The following GAS2 variants were observed in gnomAD, a reference collection of about 807,000 sequenced individuals.
GAS2 encodes growth arrest specific 2.
In GAS2, 20 loss-of-function variants were observed where a neutral mutation model predicts 37.5. The observed-to-expected ratio is 0.53, with a 90% CI of 0.37 to 0.77. The LOEUF is 0.77. Ranked by LOEUF, GAS2 falls within the 30% of genes least tolerant of loss-of-function variation. GAS2 has a pLI of 0.00. For missense variants in GAS2, 336 were observed against 373.4 expected (o/e 0.90, Z 0.82); for synonymous variants, 144 against 132.2 (o/e 1.09, Z -0.61).
chr11:22,692,220 G>T (rs548518082), intron 3 of GAS2, among the ~76,000 whole-genome samples: 1 of 152,148 alleles, frequency 6.6e-6, no homozygotes, highest in South Asian at 2.1e-4. Context: ...TGAGTGATGT[G>T]CCTATGGAAC....
intron 7 of GAS2, among the ~76,000 whole-genome samples, chr11:22,799,621 AATT>A (rs1290250316): frequency 6.6e-6 from 1 of 152,076 alleles, no homozygotes; most frequent in Non-Finnish European, 1.5e-5. Context: ...AATTGGTCTG[AATT>A]ATCATTCACA....
At chr11:22,754,559 T>C (rs2134322133) in intron 6 of GAS2, among the ~76,000 whole-genome samples, 1 of 152,186 alleles carries the variant, frequency 6.6e-6, no homozygotes, top group Non-Finnish European at 1.5e-5. Flanking sequence ...GAGTCATAAT[T>C]GTACATGCGA....
At chr11:22,697,425 G>A (rs1186052798) in intron 3 of GAS2, among the ~76,000 whole-genome samples, 10 of 152,158 alleles carry the variant, frequency 6.6e-5, no homozygotes, top group South Asian at 4.2e-4. Context: ...TTGGCGATGC[G>A]GGCTCTTTTT....
At chr11:22,777,925 C>T (rs1855345511) in intron 7 of GAS2, among the ~76,000 whole-genome samples, 1 of 152,124 alleles carries the variant, frequency 6.6e-6, no homozygotes, top group Admixed American at 6.5e-5. Flanking sequence ...AATTAGGAGG[C>T]TATTTCAGTT....
chr11:22,735,354 A>G (rs997054962), intron 4 of GAS2, among the ~76,000 whole-genome samples: 3 of 151,640 alleles, frequency 2.0e-5, no homozygotes, highest in African/African-American at 4.8e-5. Flanking sequence ...TAAAAAGGCA[A>G]TATTTACACA....
Position 22,755,947 on chromosome 11 carries a change from C to A in GAS2, c.717C>A (p.Phe239Leu), listed in dbSNP as rs139683102. 41 of 1,602,670 alleles carry A rather than the reference C, an allele frequency of 2.6e-5. No homozygotes were observed. The highest frequency in any genetic ancestry group is 3.5e-5 in the Non-Finnish European group (41 of 1,170,686). Residue 239 changes from phenylalanine to leucine, a missense_variant, in exon 7 of 8, where the codon TTC becomes TTA. Transcript: ENST00000454584. ...GRYRVGEKIL[F>L]IRMLHNKHVM... ...ACCGAGTGGGAGAAAAGATCCTCTTCATTAGGGTAAAGTTTTACTTTTCAC... is the reference window on the plus strand; with the variant it reads ...ACCGAGTGGGAGAAAAGATCCTCTTAATTAGGGTAAAGTTTTACTTTTCAC...
chr11:22,739,111 T>C (rs940034325), intron 5 of GAS2, among the ~76,000 whole-genome samples: 1 of 152,206 alleles, frequency 6.6e-6, no homozygotes, highest in Non-Finnish European at 1.5e-5. Flanking sequence ...CTTCGTTCTC[T>C]ATCATTGCTG....
chr11:22,646,762 C>A (rs540208443), intron 1 of GAS2, among the ~76,000 whole-genome samples: 77 of 152,178 alleles, frequency 5.1e-4, no homozygotes, highest in African/African-American at 1.8e-3. Context: ...GGTAAATGGC[C>A]TAGTTAAGTG....
At chr11:22,715,626 C>A (rs1226031615) in intron 3 of GAS2, among the ~76,000 whole-genome samples, 1 of 151,828 alleles carries the variant, frequency 6.6e-6, no homozygotes, top group Non-Finnish European at 1.5e-5. Context: ...TGGAAATATA[C>A]AACCCTTGTA....
At chr11:22,703,222 C>G (rs1035817177) in intron 3 of GAS2, among the ~76,000 whole-genome samples, 1 of 152,160 alleles carries the variant, frequency 6.6e-6, no homozygotes, top group Non-Finnish European at 1.5e-5. Flanking sequence ...ATCATCCCTT[C>G]TACTTACAGT....
chr11:22,658,774 C>T (rs538953132), intron 1 of GAS2, among the ~76,000 whole-genome samples: 1 of 152,208 alleles, frequency 6.6e-6, no homozygotes, highest in African/African-American at 2.4e-5. Flanking sequence ...AATAACCACT[C>T]GAAAGATCTC....
intron 7 of GAS2, among the ~76,000 whole-genome samples, chr11:22,783,286 G>A (rs1264368802): frequency 6.6e-6 from 1 of 152,012 alleles, no homozygotes; most frequent in Non-Finnish European, 1.5e-5. Context: ...TTTTAATGGG[G>A]CTATTTGTTT....
At chr11:22,696,254 G>A (rs10833800) in intron 3 of GAS2, among the ~76,000 whole-genome samples, 2 of 150,772 alleles carry the variant, frequency 1.3e-5, no homozygotes, top group East Asian at 3.9e-4. Context: ...CATCCATGTC[G>A]CTACAAAGGA....
At chr11:22,666,071 AAC>A (rs1848979891), upstream of GAS2, among the ~76,000 whole-genome samples, 4 of 152,250 alleles carry the variant, frequency 2.6e-5, no homozygotes, top group South Asian at 4.1e-4. Flanking sequence ...CAGACACTTG[AAC>A]ATCTGTCCAC....
intron 1 of GAS2, among the ~76,000 whole-genome samples, chr11:22,640,424 G>A (rs1858895393): frequency 6.6e-6 from 1 of 152,096 alleles, no homozygotes. Flanking sequence ...ATAGAAAAGA[G>A]CTTTTATTTA....
intron 1 of GAS2, among the ~76,000 whole-genome samples, chr11:22,627,301 T>A (rs45562239): frequency 6.6e-6 from 1 of 152,230 alleles, no homozygotes; most frequent in Non-Finnish European, 1.5e-5. Context: ...TGATACATAG[T>A]ATGAGGTGCT....
At chr11:22,780,069 A>G (rs990886756) in intron 7 of GAS2, among the ~76,000 whole-genome samples, 1 of 152,254 alleles carries the variant, frequency 6.6e-6, no homozygotes, top group Non-Finnish European at 1.5e-5. Context: ...ATTGCGTAGT[A>G]TATACGAGTT....
Position 22,648,999 on chromosome 11 carries a change from G to T in GAS2, c.-21+23186G>T, listed in dbSNP as rs11529703. 4.0e-3 allele frequency among the ~76,000 whole-genome samples: 614 copies of T among 152,118 alleles called. 13 individuals carry two copies. The East Asian group carries it at 0.075, about 19-fold the overall frequency. ...AGGGCATCCCTGTCTTGTGCCAGTT[G>T]TCAAAGGGAATGCTTCCAGTTTTTG... is the stretch of plus-strand genomic sequence containing the variant. On this transcript the variant is annotated intron_variant, in intron 1 of 5. Coordinates refer to the GAS2 transcript ENST00000528582.
At chr11:22,632,171 TC>T (rs1858753422) in intron 1 of GAS2, among the ~76,000 whole-genome samples, 1 of 152,120 alleles carries the variant, frequency 6.6e-6, no homozygotes, top group African/African-American at 2.4e-5. Context: ...TTGTAACATC[TC>T]CATTTTCATT....
Sources: gnomAD v4.1 joint callset for allele counts (sites outside exome capture counted in the v4.1 genomes callset) on GRCh38, gnomAD v4.1.1 for gene constraint, MANE v1.5 for transcripts, NCBI Gene and HGNC (gene_info 2026-07-23, HGNC 2026-07-21) for gene names.